FGF14: variants seen among roughly 807,000 people sequenced by gnomAD.
FGF14 encodes the protein fibroblast growth factor 14, also known as fibroblast growth factor homologous factor 4.
FGF14 carries 5 observed loss-of-function variants against 25.5 expected under a neutral mutation model. The observed-to-expected ratio is 0.20, with a 90% CI of 0.10 to 0.41. FGF14 has a LOEUF of 0.41. Among genes scored for constraint, FGF14 ranks in the 10% least tolerant of loss-of-function variants. The pLI is 1.00. For synonymous variants in FGF14, 138 were observed against 118.3 expected (o/e 1.17, Z -1.08); for missense variants, 222 against 320.1 (o/e 0.69, Z 2.34).
intron 3 of FGF14, among the ~76,000 whole-genome samples, chr13:101,773,325 C>T (rs2038894217): frequency 6.6e-6 from 1 of 152,116 alleles, no homozygotes; most frequent in Non-Finnish European, 1.5e-5. Flanking sequence ...ATGTTATCTG[C>T]CCAAGGTCAC....
rs574150056 is a variant in FGF14 at position 102,289,150 on chromosome 13, A to G, written c.208+112321T>C. Among the ~76,000 whole-genome samples the G allele has an allele frequency of 8.5e-5, 13 of 152,290 alleles. No individual in the cohort carries two copies. The East Asian group carries it at 2.5e-3, about 29-fold the overall frequency. ...TTATGTTACCAATTAAAATTTGTTC[A>G]TCACTCCTTGAGTGTGGTCTCTTGT... On this transcript the variant is annotated intron_variant, in intron 1 of 4. Transcript: ENST00000376131.
In FGF14 at chr13:102,362,262, G is replaced by A. The variant is rs146849109; in HGVS notation, c.208+39209C>T. Among the ~76,000 whole-genome samples the A allele has an allele frequency of 2.0e-3, 297 of 152,090 alleles. 3 individuals carry two copies. The highest frequency in any genetic ancestry group is 6.4e-3 in the African/African-American group (267 of 41,494). On this transcript the variant is annotated intron_variant, in intron 1 of 4. Transcript: ENST00000376131. Reference sequence around the variant, plus strand: ...ATACTTTACAAGCTTTCATTCCCTCGTGATTTTGCTGGGACTGTACTTTCC... The same window carrying A: ...ATACTTTACAAGCTTTCATTCCCTCATGATTTTGCTGGGACTGTACTTTCC...
intron 1 of FGF14, among the ~76,000 whole-genome samples, chr13:102,307,329 G>T (rs1318103110): frequency 6.6e-6 from 1 of 152,144 alleles, no homozygotes; most frequent in Admixed American, 6.5e-5. Flanking sequence ...ATCCACAGGA[G>T]ACTTCTGACC....
At chr13:101,931,826 C>T (rs752135) in intron 1 of FGF14, among the ~76,000 whole-genome samples, 14 of 152,026 alleles carry the variant, frequency 9.2e-5, no homozygotes, top group Non-Finnish European at 2.9e-5. Context: ...TTTTAAACTT[C>T]CTACATGTCA....
chr13:101,766,221 A>C (rs1299240688), intron 3 of FGF14, among the ~76,000 whole-genome samples: 2 of 152,192 alleles, frequency 1.3e-5, no homozygotes, highest in African/African-American at 4.8e-5. Context: ...TATTTTAAAA[A>C]ATGAATTGCA....
intron 1 of FGF14, among the ~76,000 whole-genome samples, chr13:102,226,307 A>G (rs577166330): frequency 1.3e-5 from 2 of 152,270 alleles, no homozygotes; most frequent in South Asian, 2.1e-4. Context: ...GCTGAAACCT[A>G]TCTCACTAGA....
At chr13:102,067,991 C>T (rs1263781829) in intron 1 of FGF14, among the ~76,000 whole-genome samples, 1 of 152,042 alleles carries the variant, frequency 6.6e-6, no homozygotes, top group African/African-American at 2.4e-5. Flanking sequence ...CCTTACAGGA[C>T]AGGAGAGTGG....
At chr13:101,960,940 T>C (rs1204842728) in intron 1 of FGF14, among the ~76,000 whole-genome samples, 3 of 152,220 alleles carry the variant, frequency 2.0e-5, no homozygotes, top group Non-Finnish European at 2.9e-5. Flanking sequence ...TCTTTAATGA[T>C]CGTTGATGTT....
intron 1 of FGF14, among the ~76,000 whole-genome samples, chr13:102,152,822 T>C (rs1487648853): frequency 2.0e-5 from 3 of 152,258 alleles, no homozygotes; most frequent in Non-Finnish European, 2.9e-5. Context: ...GGAAGATGTA[T>C]TGACATGTTA....
intron 1 of FGF14, among the ~76,000 whole-genome samples, chr13:101,942,594 C>A (rs954400000): frequency 4.6e-5 from 7 of 152,134 alleles, no homozygotes; most frequent in African/African-American, 1.4e-4. Context: ...GTGAAAGAAA[C>A]AAACTGAGCT....
At chr13:101,840,544 T>C (rs1375576276) in intron 3 of FGF14, among the ~76,000 whole-genome samples, 2 of 151,864 alleles carry the variant, frequency 1.3e-5, no homozygotes, top group Admixed American at 6.6e-5. Context: ...AAGACTCATA[T>C]TTATAAATTG....
intron 1 of FGF14, among the ~76,000 whole-genome samples, chr13:102,164,110 T>C (rs1566769268): frequency 6.6e-6 from 1 of 152,134 alleles, no homozygotes; most frequent in Non-Finnish European, 1.5e-5. Flanking sequence ...CAGAGGCTGA[T>C]AAATCAGCCA....
At chr13:102,178,157 T>C (rs1438474706) in intron 1 of FGF14, among the ~76,000 whole-genome samples, 1 of 151,946 alleles carries the variant, frequency 6.6e-6, no homozygotes, top group African/African-American at 2.4e-5. Flanking sequence ...GAAAATACAA[T>C]GAAGGTTGGG....
chr13:101,751,184 T>C (rs2037248656), intron 3 of FGF14, among the ~76,000 whole-genome samples: 1 of 152,180 alleles, frequency 6.6e-6, no homozygotes, highest in Non-Finnish European at 1.5e-5. Flanking sequence ...TTAACTCTAA[T>C]GTAAACTATG....
intron 1 of FGF14, among the ~76,000 whole-genome samples, chr13:101,959,932 CAGTT>C (rs775209899): frequency 5.3e-5 from 8 of 152,138 alleles, no homozygotes; most frequent in African/African-American, 1.4e-4. Flanking sequence ...TAAAACTGCT[CAGTT>C]AAAGTTGAAA....
chr13:102,065,107 T>G (rs958847431), intron 1 of FGF14, among the ~76,000 whole-genome samples: 1 of 152,140 alleles, frequency 6.6e-6, no homozygotes. Flanking sequence ...ATTATTGAAA[T>G]AATTAATGTC....
chr13:102,325,015 GCA>G (rs2056377352), intron 1 of FGF14, among the ~76,000 whole-genome samples: 1 of 151,662 alleles, frequency 6.6e-6, no homozygotes, highest in South Asian at 2.1e-4. Flanking sequence ...ACATACATAT[GCA>G]CACACAGCAC....
chr13:101,918,724 T>A (rs1340034097), upstream of FGF14, among the ~76,000 whole-genome samples: 1 of 152,200 alleles, frequency 6.6e-6, no homozygotes, highest in Non-Finnish European at 1.5e-5. Context: ...TCACTCCACA[T>A]TTACCAACAA....
At chr13:101,890,767 T>C (rs2046226329) in intron 1 of FGF14, among the ~76,000 whole-genome samples, 1 of 152,162 alleles carries the variant, frequency 6.6e-6, no homozygotes, top group Non-Finnish European at 1.5e-5. Flanking sequence ...GAGCCACGTG[T>C]ACTTCTGCCT....
Sources: allele counts gnomAD v4.1 joint callset (sites outside exome capture counted in the v4.1 genomes callset), GRCh38; gene constraint gnomAD v4.1.1; transcripts MANE v1.5; gene names NCBI Gene and HGNC (gene_info 2026-07-23, HGNC 2026-07-21).